PLBD1: variants seen among roughly 807,000 people sequenced by gnomAD.
The protein encoded by PLBD1 is phospholipase B domain containing 1.
A neutral mutation model predicts 63.0 loss-of-function variants in PLBD1; 60 were observed. The ratio of observed to expected loss-of-function variants is 0.95; its 90% confidence interval spans 0.77 to 1.18. The LOEUF is 1.18. Among genes scored for constraint, PLBD1 ranks in the 50% most tolerant of loss-of-function variants. PLBD1 has a pLI of 0.00. For synonymous variants in PLBD1, 262 were observed against 248.0 expected (o/e 1.06, Z -0.53); for missense variants, 598 against 677.9 (o/e 0.88, Z 1.31).
chr12:14,506,089 A>G (rs902395986), intron 10 of PLBD1, 73 bp downstream of exon 10: 5 of 1,003,932 alleles, frequency 5.0e-6, no homozygotes, highest in African/African-American at 4.9e-5. Context: ...TGCCATAAAA[A>G]CCTGTGCAAC....
Position 14,503,828 on chromosome 12 carries a change from CCT to C in PLBD1, c.1604_1605del (p.Glu535GlyfsTer5), listed in dbSNP as rs1322106677. On this transcript the variant is annotated frameshift_variant, in exon 11 of 11. Transcript: ENST00000240617. LOFTEE classifies it high-confidence loss of function. The stretch of plus-strand genomic sequence containing the variant: ...ATGGTAATAAAATCAAAGTTGTAGA[CCT>C]CTGGCATGCCCTGATGTAGAGTTTT... ...FNKTLHQGMP[E>X]VYNFDFITMK... The C allele has an allele frequency of 6.2e-7, 1 of 1,613,934 alleles. No homozygotes were observed. The highest frequency in any genetic ancestry group is 8.5e-7 in the Non-Finnish European group (1 of 1,179,888).
chr12:14,536,995 A>G (rs2136921233), intron 4 of PLBD1, among the ~76,000 whole-genome samples: 1 of 151,598 alleles, frequency 6.6e-6, no homozygotes, highest in South Asian at 2.1e-4. Flanking sequence ...AGGCTGAGGC[A>G]GGAGAATCGC....
At position 14,537,864 on chromosome 12, in the gene PLBD1, A is replaced by G. The variant is rs11056014; in HGVS notation, c.559-1154T>C. ...TCAAGATTTAAAAAAAATTATAACA[A>G]AGTTTATATCAGAAAGTCTCCTCCT... is the stretch of plus-strand genomic sequence containing the variant. On this transcript the variant is annotated intron_variant, in intron 4 of 10. Coordinates refer to ENST00000240617, the MANE Select transcript of PLBD1 (RefSeq NM_024829.6). 2.3e-5 allele frequency among the ~76,000 whole-genome samples: 3 copies of G among 130,184 alleles called. No homozygotes were observed. In the East Asian group the frequency reaches 7.1e-4, roughly 31 times the overall value. 85.4% of individuals were successfully genotyped at this position (130,184 alleles called of 152,430 possible). A position where few individuals can be genotyped will look rare whatever the true frequency, so the allele number is the denominator to read the frequency against.
chr12:14,547,180 T>TG (rs1945622435), intron 2 of PLBD1, among the ~76,000 whole-genome samples: 277 of 138,218 alleles, frequency 2.0e-3, no homozygotes, highest in Non-Finnish European at 3.7e-3. Context: ...GCACCTGGCT[T>TG]TGTGTGTGTG....
intron 4 of PLBD1, among the ~76,000 whole-genome samples, chr12:14,540,547 G>T (rs917625653): frequency 6.6e-6 from 1 of 152,124 alleles, no homozygotes; most frequent in African/African-American, 2.4e-5. Context: ...ATGGAAGATT[G>T]AAAATACACA....
chr12:14,534,589 G>C (rs1176948043), intron 6 of PLBD1, among the ~76,000 whole-genome samples: 1 of 150,264 alleles, frequency 6.7e-6, no homozygotes, highest in African/African-American at 2.5e-5. Flanking sequence ...TGTCGCCCAG[G>C]CTGGAGTGCA....
At chr12:14,508,615 A>T (rs1288392501) in intron 8 of PLBD1, among the ~76,000 whole-genome samples, 7 of 151,994 alleles carry the variant, frequency 4.6e-5, no homozygotes, top group Non-Finnish European at 1.0e-4. Context: ...CTAAAAATAT[A>T]AAAAAATAGC....
At chr12:14,553,155 T>C in intron 2 of PLBD1, 38 bp downstream of exon 2, 1 of 1,538,242 alleles carries the variant, frequency 6.5e-7, no homozygotes, top group Non-Finnish European at 8.9e-7. Flanking sequence ...AGGACAGGGG[T>C]TGCCTGGCAG....
At chr12:14,533,211 T>C (rs1418639489) in intron 6 of PLBD1, 1 of 152,260 alleles carries the variant, frequency 6.6e-6, no homozygotes, top group Non-Finnish European at 1.5e-5. Flanking sequence ...ATGAATCCAA[T>C]GTGGCTGGTC....
In PLBD1 at chr12:14,564,506, C is replaced by G. The variant is rs559124594; in HGVS notation, c.115+3076G>C. 2.1e-4 allele frequency among the ~76,000 whole-genome samples: 32 copies of G among 152,290 alleles called. 1 individual carries two copies. Among genetic ancestry groups the G allele is most frequent in the Non-Finnish European group, 4.0e-4 (27 of 68,024 alleles). ...CCTACCAGGAGACAGACAAATCAGG[C>G]CTCCAGCCTGACAATCTGTGATGTT... On this transcript the variant is annotated intron_variant, in intron 1 of 10. Coordinates refer to ENST00000240617, the MANE Select transcript of PLBD1 (RefSeq NM_024829.6).
At chr12:14,562,459 CAAAAAA>C (rs58838197) in intron 1 of PLBD1, among the ~76,000 whole-genome samples, 2 of 102,030 alleles carry the variant, frequency 2.0e-5, no homozygotes, top group Non-Finnish European at 3.7e-5. Flanking sequence ...GACTCCCTCT[CAAAAAA>C]AAAAAAAAAA....
rs1945517946 is a variant in PLBD1 at position 14,536,625 on chromosome 12, C to A, written c.644G>T (p.Gly215Val). 2 of 1,614,032 alleles carry A rather than the reference C, an allele frequency of 1.2e-6. No homozygotes were observed. Among genetic ancestry groups the A allele is most frequent in the African/African-American group, 2.7e-5 (2 of 74,924 alleles). Residue 215 changes from glycine to valine, a missense_variant, in exon 5 of 11, where the codon GGC (glycine) becomes GTC (valine). Gly to Val is a moderately radical substitution (Grantham distance 109). Coordinates refer to ENST00000240617, the MANE Select transcript of PLBD1 (RefSeq NM_024829.6). ...CCATCTCTTAAAAACCTTTAGGCTG[C>A]CGTTTTTTGTGGGAGAGAGTGAGGG... ...LIPSLSPTKN[G>V]SLKVFKRWDM...
intron 3 of PLBD1, among the ~76,000 whole-genome samples, chr12:14,541,507 C>A (rs1029767002): frequency 1.3e-5 from 2 of 152,172 alleles, no homozygotes; most frequent in African/African-American, 2.4e-5. Context: ...TTTGATATAA[C>A]TTTGCGTACT....
chr12:14,511,484 TA>T, intron 7 of PLBD1, 26 bp downstream of exon 7: 1 of 1,614,134 alleles, frequency 6.2e-7, no homozygotes. Context: ...TGTCTGTGCC[TA>T]ACAGTTATTC....
chr12:14,540,792 T>G lies in PLBD1; in HGVS notation c.530A>C (p.Lys177Thr), dbSNP rs1945565296. Residue 177 changes from lysine (K) to threonine (T), a missense_variant, in exon 4 of 11, where the codon AAG (lysine) becomes ACG (threonine). Transcript: ENST00000240617. ...AQIDGLYVGA[K>T]KRAILEGTKP... Reference sequence around the variant, plus strand: ...TGTCCCTTCTAATATAGCCCTCTTCTTTGCTCCTACATAGAGGCCATCTAT... The same window carrying G: ...TGTCCCTTCTAATATAGCCCTCTTCGTTGCTCCTACATAGAGGCCATCTAT... The G allele has an allele frequency of 6.2e-7, 1 of 1,607,598 alleles. No individual in the cohort carries two copies. Among genetic ancestry groups the G allele is most frequent in the African/African-American group, 1.3e-5 (1 of 75,008 alleles).
At chr12:14,544,758 T>C (rs1358483545) in intron 2 of PLBD1, among the ~76,000 whole-genome samples, 4 of 152,172 alleles carry the variant, frequency 2.6e-5, no homozygotes, top group Non-Finnish European at 5.9e-5. Flanking sequence ...AATTAACTTC[T>C]ATAATTTTCT....
Position 14,565,983 on chromosome 12 carries a change from C to T in PLBD1, c.115+1599G>A, listed in dbSNP as rs531350622. On this transcript the variant is annotated intron_variant, in intron 1 of 10. Transcript: ENST00000240617. ...GATGCAGTTTCTTACAAGGTGGTAC[C>T]TTCTTGAATAAATAGTGCTCCATCT... 1.1e-3 allele frequency among the ~76,000 whole-genome samples: 161 copies of T among 152,240 alleles called. 1 individual carries two copies. The highest frequency in any genetic ancestry group is 1.8e-3 in the Non-Finnish European group (123 of 68,020).
chr12:14,507,798 AGT>A (rs1463262494), intron 8 of PLBD1, among the ~76,000 whole-genome samples: 1 of 152,194 alleles, frequency 6.6e-6, no homozygotes, highest in Non-Finnish European at 1.5e-5. Context: ...AAAGCTTCAT[AGT>A]GTGTGAAGGC....
chr12:14,544,528 C>T (rs981107832), intron 2 of PLBD1, among the ~76,000 whole-genome samples: 1 of 152,166 alleles, frequency 6.6e-6, no homozygotes, highest in Non-Finnish European at 1.5e-5. Context: ...TATTGCTTAT[C>T]TGCAGTTGCC....
Sources: gnomAD v4.1 joint callset for allele counts (sites outside exome capture counted in the v4.1 genomes callset) on GRCh38, gnomAD v4.1.1 for gene constraint, MANE v1.5 for transcripts, NCBI Gene and HGNC (gene_info 2026-07-23, HGNC 2026-07-21) for gene names.